The following TMTC1 variants were observed in gnomAD, a reference collection of about 807,000 sequenced individuals.
The protein encoded by TMTC1 is transmembrane O-mannosyltransferase targeting cadherins 1.
Under a neutral mutation model 104.8 loss-of-function variants are expected in TMTC1, and 73 were observed. The ratio of observed to expected loss-of-function variants is 0.70; its 90% CI spans 0.58 to 0.85. The LOEUF (loss-of-function observed/expected upper bound fraction) is 0.85, where lower values mean the gene tolerates loss of function less well. Ranked by LOEUF, TMTC1 falls within the 40% of genes least tolerant of loss-of-function variation. TMTC1 has a pLI of 0.00. For missense variants in TMTC1, 1,035 were observed against 1,096.1 expected (o/e 0.94, Z 0.79); for synonymous variants, 434 against 428.7 (o/e 1.01, Z -0.15).
chr12:29,739,646 G>T (rs1250408551), intron 5 of TMTC1, among the ~76,000 whole-genome samples: 1 of 152,138 alleles, frequency 6.6e-6, no homozygotes, highest in Non-Finnish European at 1.5e-5. Context: ...GAACTGAACA[G>T]AGAGGCTGTA....
chr12:29,596,522 T>C (rs1299409979), intron 7 of TMTC1, among the ~76,000 whole-genome samples: 1 of 152,190 alleles, frequency 6.6e-6, no homozygotes, highest in East Asian at 1.9e-4. Context: ...ATAATAAAAA[T>C]ACATTAACAA....
chr12:29,701,277 C>T (rs1278607748), intron 5 of TMTC1, among the ~76,000 whole-genome samples: 1 of 152,144 alleles, frequency 6.6e-6, no homozygotes, highest in African/African-American at 2.4e-5. Flanking sequence ...GTAAGATTGA[C>T]TTTTGGCCCC....
intron 5 of TMTC1, among the ~76,000 whole-genome samples, chr12:29,720,711 A>G (rs1054391531): frequency 2.0e-5 from 3 of 152,144 alleles, no homozygotes; most frequent in Admixed American, 1.3e-4. Context: ...CGAGATCAAG[A>G]GAAAAAGATA....
intron 5 of TMTC1, among the ~76,000 whole-genome samples, chr12:29,653,509 T>C (rs1273322244): frequency 6.6e-6 from 1 of 152,092 alleles, no homozygotes; most frequent in African/African-American, 2.4e-5. Flanking sequence ...CAAAAGAAAG[T>C]TGTGTGATAA....
At chr12:29,706,183 C>A (rs1414848339) in intron 5 of TMTC1, among the ~76,000 whole-genome samples, 1 of 152,068 alleles carries the variant, frequency 6.6e-6, no homozygotes, top group African/African-American at 2.4e-5. Context: ...ACAAGGCTAC[C>A]AAGTTCAGAC....
chr12:29,638,043 G>A (rs1006398703), intron 5 of TMTC1, among the ~76,000 whole-genome samples: 3 of 152,110 alleles, frequency 2.0e-5, no homozygotes, highest in Admixed American at 6.5e-5. Context: ...TACTGATACC[G>A]CTGACATGGG....
chr12:29,677,406 G>A (rs77432163), intron 5 of TMTC1, among the ~76,000 whole-genome samples: 11,989 of 152,128 alleles, frequency 0.079, 664 homozygotes, highest in South Asian at 0.17. Flanking sequence ...ATGCATAGAA[G>A]CACAAGCAAC....
chr12:29,606,266 T>C (rs1292579468), intron 6 of TMTC1, among the ~76,000 whole-genome samples: 1 of 152,234 alleles, frequency 6.6e-6, no homozygotes. Flanking sequence ...TATTTTTTAA[T>C]TCAATGAAAA....
chr12:29,699,138 G>A (rs891053725), intron 5 of TMTC1, among the ~76,000 whole-genome samples: 1 of 152,116 alleles, frequency 6.6e-6, no homozygotes, highest in Non-Finnish European at 1.5e-5. Flanking sequence ...GGAGAGGGAG[G>A]AACTAGGTTT....
intron 6 of TMTC1, among the ~76,000 whole-genome samples, chr12:29,611,182 T>TTTTTC: frequency 6.6e-6 from 1 of 151,698 alleles, no homozygotes; most frequent in Non-Finnish European, 1.5e-5. Context: ...AACTTCTTTT[T>TTTTTC]TTTTTTTTTT....
chr12:29,624,652 A>T (rs1217569387), intron 6 of TMTC1, among the ~76,000 whole-genome samples: 1 of 152,068 alleles, frequency 6.6e-6, no homozygotes, highest in Non-Finnish European at 1.5e-5. Context: ...TCACCCTTGC[A>T]CTTCCTTCAT....
intron 5 of TMTC1, among the ~76,000 whole-genome samples, chr12:29,654,253 A>G (rs1257510448): frequency 1.3e-5 from 2 of 152,246 alleles, no homozygotes. Context: ...GGAAATAAAA[A>G]GACAAACAAC....
chr12:29,509,368 A>G (rs1405814794), intron 17 of TMTC1, among the ~76,000 whole-genome samples: 1 of 152,198 alleles, frequency 6.6e-6, no homozygotes, highest in African/African-American at 2.4e-5. Context: ...GACAACTATG[A>G]CATTTGCTCC....
chr12:29,503,533 C>T lies in TMTC1; in HGVS notation c.*3313G>A, dbSNP rs980133208. On this transcript the variant is annotated 3_prime_UTR_variant, in exon 18 of 18. Transcript: ENST00000539277. ...AGGCAAGGAGAACTGATTCTAGGCA[C>T]AAAAAAAAGGAGAGGTTAGATGGAC... 6.7e-6 allele frequency: 1 copy of T among 149,944 alleles called. No individual in the cohort carries two copies. Among genetic ancestry groups the T allele is most frequent in the Non-Finnish European group, 1.5e-5 (1 of 67,476 alleles). The allele number at this position is 149,944 out of a possible 1,614,324, so 9.3% of individuals were successfully genotyped here. A position where few individuals can be genotyped will look rare whatever the true frequency, so the allele number is the denominator to read the frequency against.
intron 5 of TMTC1, among the ~76,000 whole-genome samples, chr12:29,707,747 C>T (rs1474975254): frequency 2.6e-5 from 4 of 152,304 alleles, no homozygotes; most frequent in Non-Finnish European, 5.9e-5. Context: ...CACATCCTCC[C>T]GCAGTCTCAT....
intron 5 of TMTC1, among the ~76,000 whole-genome samples, chr12:29,704,928 A>C (rs925643629): frequency 2.6e-5 from 4 of 152,176 alleles, no homozygotes; most frequent in Admixed American, 1.3e-4. Context: ...CAGAATAATA[A>C]GAAAACTTAA....
intron 5 of TMTC1, among the ~76,000 whole-genome samples, chr12:29,700,682 T>G (rs1225196077): frequency 1.3e-5 from 2 of 152,158 alleles, no homozygotes; most frequent in African/African-American, 4.8e-5. Context: ...CCTCAAAAAG[T>G]GCTCACTAAA....
At chr12:29,558,347 T>C (rs78469817) in intron 9 of TMTC1, among the ~76,000 whole-genome samples, 2,662 of 152,284 alleles carry the variant, frequency 0.017, 79 homozygotes, top group African/African-American at 0.061. Context: ...CCCCCTGTTC[T>C]GTACCTTCTA....
chr12:29,522,164 T>G (rs920633058), intron 11 of TMTC1, among the ~76,000 whole-genome samples: 2 of 152,192 alleles, frequency 1.3e-5, no homozygotes, highest in Admixed American at 1.3e-4. Flanking sequence ...GACAAAGGAA[T>G]GTAGAGCAAC....
Sources: gnomAD v4.1 joint callset for allele counts (sites outside exome capture counted in the v4.1 genomes callset) on GRCh38, gnomAD v4.1.1 for gene constraint, MANE v1.5 for transcripts, NCBI Gene and HGNC (gene_info 2026-07-23, HGNC 2026-07-21) for gene names.